BMAL1: variants seen among roughly 807,000 people sequenced by gnomAD.
The protein encoded by BMAL1 is basic helix-loop-helix ARNT like 1.
chr11:13,340,683 C>T, the BMAL1 span, among the ~76,000 whole-genome samples: 1 of 152,266 alleles, frequency 6.6e-6, no homozygotes, highest in South Asian at 2.1e-4. Context: ...CTGGATCTCT[C>T]CAGCTTTAAG....
At chr11:13,301,240 T>C in the BMAL1 span, among the ~76,000 whole-genome samples, 7 of 152,228 alleles carry the variant, frequency 4.6e-5, no homozygotes, top group Admixed American at 1.3e-4. Flanking sequence ...TGGTCTGTTG[T>C]TGTTTTTATT....
At chr11:13,321,888 C>T in the BMAL1 span, among the ~76,000 whole-genome samples, 6 of 152,184 alleles carry the variant, frequency 3.9e-5, no homozygotes, top group African/African-American at 1.2e-4. Context: ...ATTCCAGCTT[C>T]GGTTCTGCTG....
At chr11:13,327,560 C>T in the BMAL1 span, among the ~76,000 whole-genome samples, 16 of 152,330 alleles carry the variant, frequency 1.1e-4, no homozygotes, top group South Asian at 2.1e-4. Context: ...TAAGGCACAG[C>T]AGTTTTCCAG....
the BMAL1 span, chr11:13,376,803 A>T: frequency 4.4e-6 from 6 of 1,363,304 alleles, no homozygotes; most frequent in Non-Finnish European, 6.1e-6. Flanking sequence ...CCCCTAAAGT[A>T]TTCAGGGTCC....
the BMAL1 span, among the ~76,000 whole-genome samples, chr11:13,349,503 T>C: frequency 1.2e-4 from 19 of 152,292 alleles, no homozygotes; most frequent in East Asian, 2.5e-3. Flanking sequence ...ATCTCCCTCA[T>C]AGAGTTACTT....
At chr11:13,322,856 C>G in the BMAL1 span, among the ~76,000 whole-genome samples, 2 of 132,610 alleles carry the variant, frequency 1.5e-5, no homozygotes, top group East Asian at 4.8e-4. Flanking sequence ...GTGGCATGAT[C>G]CTAGCTCACT....
chr11:13,324,264 T>C, the BMAL1 span, among the ~76,000 whole-genome samples: 1 of 152,236 alleles, frequency 6.6e-6, no homozygotes, highest in Non-Finnish European at 1.5e-5. Context: ...AGCGGCTTTC[T>C]GGCATCTTTG....
chr11:13,284,881 TC>T, the BMAL1 span, among the ~76,000 whole-genome samples: 1 of 152,034 alleles, frequency 6.6e-6, no homozygotes, highest in Non-Finnish European at 1.5e-5. Flanking sequence ...CTGGTCCTGT[TC>T]CTCCTCCCCA....
chr11:13,368,835 T>C, the BMAL1 span, among the ~76,000 whole-genome samples: 2 of 152,236 alleles, frequency 1.3e-5, no homozygotes, highest in African/African-American at 4.8e-5. Flanking sequence ...AATTTCATAT[T>C]TTCTGGTAGC....
At chr11:13,369,871 G>T in the BMAL1 span, 5 of 1,439,094 alleles carry the variant, frequency 3.5e-6, no homozygotes, top group Non-Finnish European at 4.7e-6. Context: ...GCTGGCCAGA[G>T]TGGCAGGTCC....
At chr11:13,379,890 G>GT in the BMAL1 span, 1 of 152,218 alleles carries the variant, frequency 6.6e-6, no homozygotes, top group East Asian at 1.9e-4. Flanking sequence ...GAAGAAACCT[G>GT]TAAGACCCCA....
chr11:13,306,818 C>A, the BMAL1 span, among the ~76,000 whole-genome samples: 17 of 152,232 alleles, frequency 1.1e-4, no homozygotes, highest in African/African-American at 4.1e-4. Context: ...TTCTGGAATG[C>A]GAGTTGATGC....
chr11:13,290,664 C>T, the BMAL1 span, among the ~76,000 whole-genome samples: 2 of 151,972 alleles, frequency 1.3e-5, no homozygotes, highest in African/African-American at 4.8e-5. Context: ...TACTTTTTCT[C>T]ATTCAGTCTT....
At chr11:13,332,550 G>T in the BMAL1 span, among the ~76,000 whole-genome samples, 1 of 152,170 alleles carries the variant, frequency 6.6e-6, no homozygotes, top group East Asian at 1.9e-4. Context: ...AATTTTTCTT[G>T]TTGGTAAAAT....
the BMAL1 span, among the ~76,000 whole-genome samples, chr11:13,302,788 G>A: frequency 1.3e-5 from 2 of 152,172 alleles, no homozygotes; most frequent in African/African-American, 4.8e-5. Context: ...GCCCCCACTT[G>A]GCAGGTTCCT....
At chr11:13,315,153 C>T in the BMAL1 span, among the ~76,000 whole-genome samples, 1 of 152,258 alleles carries the variant, frequency 6.6e-6, no homozygotes, top group South Asian at 2.1e-4. Context: ...CCAGGACACT[C>T]CAGCAGGCTC....
chr11:13,281,614 A>G, the BMAL1 span, among the ~76,000 whole-genome samples: 7 of 151,856 alleles, frequency 4.6e-5, no homozygotes, highest in African/African-American at 1.7e-4. Flanking sequence ...GTCTCAGGTA[A>G]TCCTCCTGCC....
the BMAL1 span, among the ~76,000 whole-genome samples, chr11:13,320,430 G>A: frequency 3.7e-4 from 56 of 152,324 alleles, no homozygotes; most frequent in African/African-American, 1.3e-3. Flanking sequence ...AGTGGTAAGA[G>A]GCACTTGGAG....
the BMAL1 span, chr11:13,356,310 T>G: frequency 5.2e-5 from 24 of 462,584 alleles, no homozygotes; most frequent in South Asian, 3.4e-4. Flanking sequence ...TAGATATGTA[T>G]GCACATTTAT....
Sources: allele counts gnomAD v4.1 joint callset (sites outside exome capture counted in the v4.1 genomes callset), GRCh38; gene constraint gnomAD v4.1.1; transcripts MANE v1.5; gene names NCBI Gene and HGNC (gene_info 2026-07-23, HGNC 2026-07-21).